Variants in LNX1 observed in about 807,000 individuals in gnomAD.
LNX1 encodes ligand of numb-protein X 1.
LNX1 carries 54 observed loss-of-function variants against 68.4 expected under a neutral mutation model. The ratio of observed to expected loss-of-function variants is 0.79; its 90% CI spans 0.63 to 0.99. The LOEUF (loss-of-function observed/expected upper bound fraction) is 0.99, where lower values mean the gene tolerates loss of function less well. Ranked by LOEUF, LNX1 falls within the 50% of genes least tolerant of loss-of-function variation. The pLI, the probability that LNX1 is intolerant of heterozygous loss-of-function variation, is 0.00. For missense variants in LNX1, 906 were observed against 926.4 expected (o/e 0.98, Z 0.29); for synonymous variants, 336 against 350.0 (o/e 0.96, Z 0.45).
intron 1 of LNX1, among the ~76,000 whole-genome samples, chr4:53,627,860 C>A (rs749253905): frequency 1.3e-5 from 2 of 152,152 alleles, no homozygotes; most frequent in Non-Finnish European, 2.9e-5. Context: ...CTTCTGCATG[C>A]CCCTTTGGGA....
chr4:53,519,438 GTT>G (rs36120084), intron 2 of LNX1, among the ~76,000 whole-genome samples: 1,878 of 128,490 alleles, frequency 0.015, 33 homozygotes, highest in African/African-American at 0.046. Context: ...TTTGTTCAGT[GTT>G]TTTTTTTTTT....
chr4:53,509,569 T>G (rs1395634939), intron 2 of LNX1, among the ~76,000 whole-genome samples: 1 of 152,190 alleles, frequency 6.6e-6, no homozygotes, highest in Non-Finnish European at 1.5e-5. Context: ...GCATATACTT[T>G]CTGGATTGCT....
At chr4:53,594,004 T>G (rs1732635922), upstream of LNX1, 1 of 148,844 alleles carries the variant, frequency 6.7e-6, no homozygotes, top group African/African-American at 2.5e-5. Context: ...CTGGACACAT[T>G]CAGCTTCTTA....
chr4:53,620,560 C>CA (rs1198162090), upstream of LNX1, among the ~76,000 whole-genome samples: 3 of 152,174 alleles, frequency 2.0e-5, no homozygotes, highest in Non-Finnish European at 4.4e-5. Context: ...AAAGACATGA[C>CA]TGAAGACTGT....
intron 2 of LNX1, among the ~76,000 whole-genome samples, chr4:53,562,884 T>C (rs1730383810): frequency 6.6e-6 from 1 of 152,190 alleles, no homozygotes. Context: ...TTGTACACCA[T>C]ACACATATAC....
intron 2 of LNX1, among the ~76,000 whole-genome samples, chr4:53,509,932 T>G (rs1263397231): frequency 1.3e-5 from 2 of 152,226 alleles, no homozygotes; most frequent in African/African-American, 4.8e-5. Flanking sequence ...TTAATTGCCA[T>G]TTGAATGTAA....
chr4:53,477,016 A>G, intron 8 of LNX1, 35 bp from the exon 9 acceptor site: 2 of 1,564,192 alleles, frequency 1.3e-6, no homozygotes, highest in South Asian at 1.1e-5. Flanking sequence ...ATCTTTAGTG[A>G]GAGCACAAAC....
intron 2 of LNX1, among the ~76,000 whole-genome samples, chr4:53,550,013 C>A (rs1205824922): frequency 6.6e-6 from 1 of 152,092 alleles, no homozygotes; most frequent in Non-Finnish European, 1.5e-5. Context: ...AGGGAGTGAA[C>A]AGCTTGGAAC....
intron 2 of LNX1, among the ~76,000 whole-genome samples, chr4:53,518,078 A>C (rs1726927314): frequency 6.6e-6 from 1 of 152,166 alleles, no homozygotes; most frequent in African/African-American, 2.4e-5. Context: ...GACAGGAAAA[A>C]TTCAAAACAA....
At chr4:53,637,053 A>G (rs1473132308) in intron 1 of LNX1, among the ~76,000 whole-genome samples, 1 of 151,906 alleles carries the variant, frequency 6.6e-6, no homozygotes, top group Non-Finnish European at 1.5e-5. Context: ...TACCGCCTCA[A>G]TTGTTTCACT....
intron 2 of LNX1, among the ~76,000 whole-genome samples, chr4:53,515,225 C>T (rs868729650): frequency 5.9e-5 from 9 of 152,144 alleles, no homozygotes; most frequent in Admixed American, 2.0e-4. Flanking sequence ...CACTTAAGGC[C>T]GCCAGTCAAG....
At chr4:53,486,060 C>G (rs1724268926) in intron 6 of LNX1, among the ~76,000 whole-genome samples, 1 of 152,184 alleles carries the variant, frequency 6.6e-6, no homozygotes, top group Non-Finnish European at 1.5e-5. Context: ...TCTCCTCTCT[C>G]CCTTAAGAAT....
chr4:53,624,973 C>T (rs536139188), intron 1 of LNX1, among the ~76,000 whole-genome samples: 1 of 152,176 alleles, frequency 6.6e-6, no homozygotes, highest in South Asian at 2.1e-4. Context: ...AACAATAATC[C>T]TCTTTTACAG....
intron 2 of LNX1, among the ~76,000 whole-genome samples, chr4:53,564,941 G>C (rs962861659): frequency 6.6e-6 from 1 of 152,144 alleles, no homozygotes; most frequent in East Asian, 1.9e-4. Context: ...CTTTTCCGAC[G>C]GGCTTAAAAA....
chr4:53,590,790 G>A (rs766464713), intron 1 of LNX1, among the ~76,000 whole-genome samples: 20 of 152,134 alleles, frequency 1.3e-4, no homozygotes, highest in Non-Finnish European at 2.4e-4. Flanking sequence ...CTGCAAAGTC[G>A]TATTTAAAAG....
At chr4:53,545,125 T>C (rs1262059824) in intron 2 of LNX1, among the ~76,000 whole-genome samples, 2 of 152,204 alleles carry the variant, frequency 1.3e-5, no homozygotes, top group Admixed American at 1.3e-4. Context: ...ATCAATTAGC[T>C]CATGCAGCCA....
intron 6 of LNX1, among the ~76,000 whole-genome samples, chr4:53,488,382 C>G (rs1724462975): frequency 6.6e-6 from 1 of 152,222 alleles, no homozygotes; most frequent in Non-Finnish European, 1.5e-5. Context: ...TTAGCTCTTT[C>G]CCTTTCCAGG....
At chr4:53,466,358 A>T (rs971580924) in intron 9 of LNX1, among the ~76,000 whole-genome samples, 4 of 152,212 alleles carry the variant, frequency 2.6e-5, no homozygotes, top group Admixed American at 2.0e-4. Context: ...TATGTTTAAA[A>T]AGAAACCTGA....
chr4:53,556,289 TAGA>T (rs1729907568), intron 2 of LNX1, among the ~76,000 whole-genome samples: 2 of 152,060 alleles, frequency 1.3e-5, no homozygotes, highest in Non-Finnish European at 2.9e-5. Flanking sequence ...TCCACAAAAC[TAGA>T]AGAATGCAAG....
Sources: gnomAD v4.1 joint callset for allele counts (sites outside exome capture counted in the v4.1 genomes callset) on GRCh38, gnomAD v4.1.1 for gene constraint, MANE v1.5 for transcripts, NCBI Gene and HGNC (gene_info 2026-07-23, HGNC 2026-07-21) for gene names.